The following POU2AF3 variants were observed in gnomAD, a reference collection of about 807,000 sequenced individuals.
POU2AF3 encodes the protein POU class 2 homeobox associating factor 3.
the POU2AF3 span, among the ~76,000 whole-genome samples, chr11:111,303,731 T>A: frequency 6.6e-6 from 1 of 152,144 alleles, no homozygotes; most frequent in Non-Finnish European, 1.5e-5. Flanking sequence ...TAATACTGCC[T>A]CCTGTTTCAG....
chr11:111,298,814 C>T, the POU2AF3 span: 2 of 1,198,766 alleles, frequency 1.7e-6, no homozygotes, highest in Non-Finnish European at 2.1e-6. Context: ...TCCGGACGTC[C>T]GCGTACCCCA....
the POU2AF3 span, chr11:111,299,455 T>G: frequency 9.4e-7 from 1 of 1,063,134 alleles, no homozygotes; most frequent in Non-Finnish European, 1.1e-6. Flanking sequence ...ACTGCGGCTT[T>G]TCGGGGCCCG....
the POU2AF3 span, among the ~76,000 whole-genome samples, chr11:111,304,115 CACCA>C: frequency 6.6e-6 from 1 of 152,170 alleles, no homozygotes; most frequent in African/African-American, 2.4e-5. Flanking sequence ...GGTTCCAACT[CACCA>C]ACCACAGCTT....
the POU2AF3 span, among the ~76,000 whole-genome samples, chr11:111,302,832 A>T: frequency 6.6e-6 from 1 of 152,216 alleles, no homozygotes; most frequent in Non-Finnish European, 1.5e-5. Context: ...TGGATCTGGG[A>T]TTCTAAAGAA....
At chr11:111,299,550 G>A in the POU2AF3 span, 1 of 1,200,280 alleles carries the variant, frequency 8.3e-7, no homozygotes, top group East Asian at 3.4e-5. Context: ...CCCGCGAGCC[G>A]GGGCAGTCCG....
chr11:111,298,828 C>CGGCG, the POU2AF3 span: 17 of 411,052 alleles, frequency 4.1e-5, no homozygotes, highest in Non-Finnish European at 6.1e-5. Flanking sequence ...TACCCCAGGC[C>CGGCG]CCCGCCCGCC....
chr11:111,299,529 G>A, the POU2AF3 span: 2 of 1,177,338 alleles, frequency 1.7e-6, no homozygotes, highest in Non-Finnish European at 1.0e-6. Flanking sequence ...TCTTGAGCGC[G>A]CCCGCCACCT....
At chr11:111,300,771 C>T in the POU2AF3 span, 2 of 380,142 alleles carry the variant, frequency 5.3e-6, no homozygotes, top group African/African-American at 2.1e-5. Flanking sequence ...CTGTACCCAG[C>T]TGCATCCCAA....
chr11:111,300,295 C>A, the POU2AF3 span: 129 of 326,376 alleles, frequency 4.0e-4, no homozygotes, highest in East Asian at 6.0e-3. Context: ...TGGATGGCCC[C>A]ACAAATTTCC....
At chr11:111,300,485 C>A in the POU2AF3 span, 1 of 1,067,742 alleles carries the variant, frequency 9.4e-7, no homozygotes, top group South Asian at 4.9e-5. Flanking sequence ...CCCTGGCACC[C>A]AGACCTTGGA....
At chr11:111,300,256 T>C in the POU2AF3 span, 3 of 315,650 alleles carry the variant, frequency 9.5e-6, no homozygotes, top group African/African-American at 4.3e-5. Flanking sequence ...CCGTTTGCTA[T>C]TGGCCTAGGA....
the POU2AF3 span, among the ~76,000 whole-genome samples, chr11:111,302,630 C>T: frequency 6.6e-6 from 1 of 152,142 alleles, no homozygotes; most frequent in African/African-American, 2.4e-5. Flanking sequence ...TTAAATTTTT[C>T]TGAATTCCCT....
the POU2AF3 span, among the ~76,000 whole-genome samples, chr11:111,302,342 G>C: frequency 6.6e-6 from 1 of 152,128 alleles, no homozygotes; most frequent in Non-Finnish European, 1.5e-5. Flanking sequence ...AACAAAACCA[G>C]GTACAAGGGA....
chr11:111,300,622 G>A, the POU2AF3 span: 5 of 1,227,356 alleles, frequency 4.1e-6, no homozygotes, highest in South Asian at 4.1e-5. Flanking sequence ...CGGGGGAACC[G>A]TAAGCATAAG....
At chr11:111,303,535 G>A in the POU2AF3 span, among the ~76,000 whole-genome samples, 92 of 152,270 alleles carry the variant, frequency 6.0e-4, no homozygotes, top group Non-Finnish European at 1.0e-3. Context: ...TGGGGTGGAG[G>A]CAGACAAACA....
At chr11:111,300,519 T>G in the POU2AF3 span, 1 of 1,227,898 alleles carries the variant, frequency 8.1e-7, no homozygotes, top group Non-Finnish European at 1.0e-6. Context: ...TCAGTTGCCT[T>G]TCTCCAGAAA....
the POU2AF3 span, chr11:111,304,889 C>A: frequency 8.4e-7 from 1 of 1,196,870 alleles, no homozygotes; most frequent in Non-Finnish European, 1.0e-6. Flanking sequence ...CAGAGCATTT[C>A]TTTCAGCCTG....
the POU2AF3 span, chr11:111,307,967 A>C: frequency 4.6e-6 from 5 of 1,087,550 alleles, no homozygotes; most frequent in Non-Finnish European, 6.2e-6. Context: ...TTGGTTTTTT[A>C]CCCCTCATTT....
chr11:111,307,872 AC>A, the POU2AF3 span, among the ~76,000 whole-genome samples: 2 of 152,234 alleles, frequency 1.3e-5, no homozygotes, highest in Non-Finnish European at 2.9e-5. Flanking sequence ...GAAATAGGTA[AC>A]TATAGATTGT....
Sources: allele counts gnomAD v4.1 joint callset (sites outside exome capture counted in the v4.1 genomes callset), GRCh38; gene constraint gnomAD v4.1.1; transcripts MANE v1.5; gene names NCBI Gene and HGNC (gene_info 2026-07-23, HGNC 2026-07-21).